MAPKAP1: variants seen among roughly 807,000 people sequenced by gnomAD.
MAPKAP1 encodes the protein target of rapamycin complex 2 subunit MAPKAP1.
Under a neutral mutation model 65.7 loss-of-function variants are expected in MAPKAP1, and 20 were observed. The ratio of observed to expected loss-of-function variants is 0.30; its 90% CI spans 0.21 to 0.44. MAPKAP1 has a LOEUF of 0.44. Among genes scored for constraint, MAPKAP1 ranks in the 20% least tolerant of loss-of-function variants. The pLI is 1.00. For synonymous variants in MAPKAP1, 222 were observed against 244.3 expected (o/e 0.91, Z 0.85); for missense variants, 423 against 648.0 (o/e 0.65, Z 3.77).
chr9:125,693,710 C>CGTATATATACACGT (rs1329696587), intron 1 of MAPKAP1, among the ~76,000 whole-genome samples: 14 of 130,052 alleles, frequency 1.1e-4, no homozygotes, highest in Admixed American at 6.1e-4. Context: ...TATATATACA[C>CGTATATATACACGT]ATATATACAC....
intron 5 of MAPKAP1, among the ~76,000 whole-genome samples, chr9:125,571,967 A>C (rs1034596761): frequency 1.3e-5 from 2 of 152,252 alleles, no homozygotes; most frequent in Non-Finnish European, 2.9e-5. Flanking sequence ...AATTAAGTAA[A>C]GTATACTCCT....
intron 10 of MAPKAP1, among the ~76,000 whole-genome samples, chr9:125,460,407 G>A (rs921310305): frequency 3.9e-5 from 6 of 151,980 alleles, no homozygotes; most frequent in African/African-American, 1.2e-4. Flanking sequence ...TAATACGTCC[G>A]AGGGAAAAAT....
At chr9:125,534,233 T>A (rs1830011495) in intron 7 of MAPKAP1, among the ~76,000 whole-genome samples, 1 of 152,242 alleles carries the variant, frequency 6.6e-6, no homozygotes, top group Admixed American at 6.5e-5. Context: ...TATATCTGTA[T>A]GTGAACTGAA....
chr9:125,485,221 C>A (rs1211513639), intron 8 of MAPKAP1, among the ~76,000 whole-genome samples: 1 of 152,192 alleles, frequency 6.6e-6, no homozygotes, highest in African/African-American at 2.4e-5. Flanking sequence ...TCAGGGGGCA[C>A]CTGCTAGTGC....
intron 9 of MAPKAP1, among the ~76,000 whole-genome samples, chr9:125,468,941 T>TAAGTGTGGAAATGCACAGC: frequency 6.6e-6 from 1 of 152,304 alleles, no homozygotes; most frequent in East Asian, 1.9e-4. Context: ...GGCCCTGGAA[T>TAAGTGTGGAAATGCACAGC]AAGTGTGGAA....
intron 1 of MAPKAP1, among the ~76,000 whole-genome samples, chr9:125,687,195 C>T (rs1361826228): frequency 6.8e-6 from 1 of 146,456 alleles, no homozygotes; most frequent in African/African-American, 2.5e-5. Context: ...AGGTGATAAA[C>T]AATACAGTTA....
intron 1 of MAPKAP1, among the ~76,000 whole-genome samples, chr9:125,691,228 T>C (rs1266799538): frequency 6.6e-6 from 1 of 152,034 alleles, no homozygotes; most frequent in African/African-American, 2.4e-5. Flanking sequence ...GCCACTGCAC[T>C]CCAGCCTGGG....
intron 8 of MAPKAP1, among the ~76,000 whole-genome samples, chr9:125,489,195 A>G (rs1306163324): frequency 2.0e-5 from 3 of 151,970 alleles, no homozygotes. Flanking sequence ...AACAAAAACT[A>G]CTCCCTGTTA....
intron 1 of MAPKAP1, among the ~76,000 whole-genome samples, chr9:125,677,374 C>G (rs978779925): frequency 6.6e-6 from 1 of 151,936 alleles, no homozygotes; most frequent in African/African-American, 2.4e-5. Flanking sequence ...GCCCTCCAGC[C>G]TCAGCAACGG....
chr9:125,481,462 G>A (rs992858833), intron 9 of MAPKAP1, among the ~76,000 whole-genome samples: 1 of 151,894 alleles, frequency 6.6e-6, no homozygotes, highest in Non-Finnish European at 1.5e-5. Context: ...TAACACTGTC[G>A]CCCAGGCTGG....
chr9:125,704,010 A>G (rs1835685037), intron 1 of MAPKAP1, among the ~76,000 whole-genome samples: 1 of 152,200 alleles, frequency 6.6e-6, no homozygotes, highest in Non-Finnish European at 1.5e-5. Flanking sequence ...GTAACAGATA[A>G]GGCTATGAGC....
intron 4 of MAPKAP1, among the ~76,000 whole-genome samples, chr9:125,593,859 C>G (rs1832044564): frequency 6.6e-6 from 1 of 152,184 alleles, no homozygotes; most frequent in Admixed American, 6.5e-5. Flanking sequence ...ACTTCATATC[C>G]CACAGCCTCT....
chr9:125,521,921 T>A (rs1307004954), intron 7 of MAPKAP1, among the ~76,000 whole-genome samples: 1 of 152,264 alleles, frequency 6.6e-6, no homozygotes, highest in Admixed American at 6.5e-5. Flanking sequence ...TATATTGGAA[T>A]CTGAAGACTT....
chr9:125,592,867 C>T (rs928571976), intron 4 of MAPKAP1, among the ~76,000 whole-genome samples: 3 of 123,332 alleles, frequency 2.4e-5, no homozygotes, highest in Non-Finnish European at 3.1e-5. Flanking sequence ...AGCACCACTG[C>T]AGTCCAGCCT....
At position 125,543,043 on chromosome 9, in the gene MAPKAP1, G is replaced by A. The variant is rs564024346; in HGVS notation, c.958+16C>T. 1.8e-5 allele frequency: 27 copies of A among 1,526,826 alleles called. No individual in the cohort carries two copies. In the South Asian group the frequency reaches 2.7e-4, roughly 15 times the overall value. The allele number at this position is 1,526,826 out of a possible 1,614,324, so 94.6% of individuals were successfully genotyped here. A position where few individuals can be genotyped will look rare whatever the true frequency, so the allele number is the denominator to read the frequency against. ...TAAGCTTCTACTACTGTGAGAATAT[G>A]ATTTAACTATCCCACCTGAAACTTT... On this transcript the variant is annotated intron_variant, in intron 7 of 11. Transcript: ENST00000265960.
intron 4 of MAPKAP1, among the ~76,000 whole-genome samples, chr9:125,637,582 T>TGC (rs1833461448): frequency 1.3e-5 from 2 of 152,216 alleles, no homozygotes; most frequent in African/African-American, 4.8e-5. Flanking sequence ...ATGGCTTGCT[T>TGC]TTATTCATTC....
chr9:125,574,732 T>C (rs556980360), intron 5 of MAPKAP1, among the ~76,000 whole-genome samples: 1 of 152,288 alleles, frequency 6.6e-6, no homozygotes, highest in African/African-American at 2.4e-5. Context: ...CTTACTAATA[T>C]TGGTTGTGGT....
chr9:125,566,472 G>A (rs371948541), intron 5 of MAPKAP1, among the ~76,000 whole-genome samples: 5 of 152,272 alleles, frequency 3.3e-5, no homozygotes, highest in South Asian at 2.1e-4. Flanking sequence ...GGTGAAGTGC[G>A]AGGATAGCTT....
At chr9:125,662,346 C>A (rs1318677656) in intron 3 of MAPKAP1, among the ~76,000 whole-genome samples, 1 of 152,212 alleles carries the variant, frequency 6.6e-6, no homozygotes, top group Non-Finnish European at 1.5e-5. Flanking sequence ...CATGCCACTG[C>A]ATTCTAGCCC....
Sources: allele counts gnomAD v4.1 joint callset (sites outside exome capture counted in the v4.1 genomes callset), GRCh38; gene constraint gnomAD v4.1.1; transcripts MANE v1.5; gene names NCBI Gene and HGNC (gene_info 2026-07-23, HGNC 2026-07-21).